LRP2: variants seen among roughly 807,000 people sequenced by gnomAD.
LRP2 encodes the protein LDL receptor related protein 2.
In LRP2, 172 loss-of-function variants were observed where a neutral mutation model predicts 531.0. The ratio of observed to expected loss-of-function variants is 0.32; its 90% confidence interval spans 0.29 to 0.37. The LOEUF is 0.37. Among genes scored for constraint, LRP2 ranks in the 10% least tolerant of loss-of-function variants. LRP2 has a pLI of 1.00. For missense variants in LRP2, 5,167 were observed against 5,868.3 expected, an observed-to-expected ratio of 0.88 and a Z score of 3.90; for synonymous variants, 1,992 against 2,027.6, an observed-to-expected ratio of 0.98 and a Z score of 0.47.
At chr2:169,286,109 TAAAG>T (rs1316331569) in intron 9 of LRP2, among the ~76,000 whole-genome samples, 1 of 152,178 alleles carries the variant, frequency 6.6e-6, no homozygotes, top group East Asian at 1.9e-4. Context: ...GAGTTCTCTA[TAAAG>T]AGAGAAAAAT....
intron 70 of LRP2, 40 bp downstream of exon 70, chr2:169,145,707 C>G: frequency 6.3e-7 from 1 of 1,585,148 alleles, no homozygotes; most frequent in Non-Finnish European, 8.7e-7. Flanking sequence ...ATAAGATTTC[C>G]AAGTAATGAG....
In LRP2 at chr2:169,362,532, C is replaced by G. The variant is rs1311666076; in HGVS notation, c.-133G>C. The G allele has an allele frequency of 1.3e-6, 1 of 780,992 alleles. No individual in the cohort carries two copies. Among genetic ancestry groups the G allele is most frequent in the Non-Finnish European group, 2.1e-6 (1 of 467,134 alleles). The allele number at this position is 780,992 out of a possible 1,614,324, so 48.4% of individuals were successfully genotyped here. On this transcript the variant is annotated 5_prime_UTR_variant, in exon 1 of 79. Transcript: ENST00000649046. ...TCCGCCAGCTCCTAGTGGCCAAAAG[C>G]CTGCCCCCACGCCCGAGGCATCCCG...
chr2:169,355,235 C>G (rs1244425250), intron 1 of LRP2, among the ~76,000 whole-genome samples: 1 of 152,138 alleles, frequency 6.6e-6, no homozygotes, highest in Non-Finnish European at 1.5e-5. Context: ...TGTCTTTTTT[C>G]TTAATGTTTC....
intron 1 of LRP2, among the ~76,000 whole-genome samples, chr2:169,328,325 G>A (rs1260823505): frequency 3.7e-5 from 5 of 136,190 alleles, no homozygotes; most frequent in Admixed American, 7.0e-5. Context: ...CGCCCCGTCC[G>A]GGAGGTGAGG....
chr2:169,235,807 G>A, intron 29 of LRP2, 33 bp downstream of exon 29: 20 of 1,527,008 alleles, frequency 1.3e-5, no homozygotes, highest in Non-Finnish European at 1.7e-5. Context: ...CACGACTGTA[G>A]TTTTAATTTG....
intron 1 of LRP2, among the ~76,000 whole-genome samples, chr2:169,344,724 C>A (rs1685653217): frequency 6.6e-6 from 1 of 152,122 alleles, no homozygotes; most frequent in African/African-American, 2.4e-5. Flanking sequence ...ATAATAAAAG[C>A]TTATCCTAGA....
intron 1 of LRP2, among the ~76,000 whole-genome samples, chr2:169,338,273 GAGAAAGAA>G (rs961399233): frequency 7.6e-6 from 1 of 131,164 alleles, no homozygotes; most frequent in Non-Finnish European, 1.6e-5. Flanking sequence ...AAGAAAGAAA[GAGAAAGAA>G]AGAAAGAAAA....
At chr2:169,275,282 G>T (rs1443141545) in intron 13 of LRP2, 44 bp from the exon 14 acceptor site, 1 of 1,504,846 alleles carries the variant, frequency 6.6e-7, no homozygotes, top group Admixed American at 1.7e-5. Context: ...TGTTAGTTTT[G>T]CTTTATTATA....
chr2:169,353,123 T>G lies in LRP2; in HGVS notation c.79+9198A>C, dbSNP rs539736501. On this transcript the variant is annotated intron_variant, in intron 1 of 78. Coordinates refer to ENST00000649046, the MANE Select transcript of LRP2 (RefSeq NM_004525.3). Reference sequence around the variant, plus strand: ...TTGATTTAAGAATCTCTATACTTTTTTAAGTTCCTCAGGTGATTTTGATGA... The same window carrying G: ...TTGATTTAAGAATCTCTATACTTTTGTAAGTTCCTCAGGTGATTTTGATGA... 1.4e-4 allele frequency among the ~76,000 whole-genome samples: 22 copies of G among 152,346 alleles called. No individual in the cohort carries two copies. In the South Asian group the frequency reaches 3.7e-3, roughly 26 times the overall value.
At chr2:169,286,379 C>T (rs896446906) in intron 9 of LRP2, among the ~76,000 whole-genome samples, 12 of 152,150 alleles carry the variant, frequency 7.9e-5, no homozygotes, top group Middle Eastern at 3.2e-3. Context: ...ATTAGTGCCC[C>T]GGTATTAGAA....
intron 1 of LRP2, among the ~76,000 whole-genome samples, chr2:169,349,310 T>C (rs1685781197): frequency 6.6e-6 from 1 of 152,030 alleles, no homozygotes; most frequent in Non-Finnish European, 1.5e-5. Flanking sequence ...AGGAAGTAAG[T>C]CATGCACCAT....
chr2:169,194,716 CTTTTTTTT>C (rs869249150), intron 46 of LRP2, among the ~76,000 whole-genome samples: 2 of 102,988 alleles, frequency 1.9e-5, no homozygotes, highest in African/African-American at 8.2e-5. Flanking sequence ...TTGATCCAGA[CTTTTTTTT>C]TTTTTTTTTT....
At position 169,318,826 on chromosome 2, in the gene LRP2, G is replaced by A. The variant is rs1684836154; in HGVS notation, c.246C>T (p.Pro82=). 1.2e-6 allele frequency: 2 copies of A among 1,614,108 alleles called. No individual in the cohort carries two copies. Among genetic ancestry groups the A allele is most frequent in the Non-Finnish European group, 1.7e-6 (2 of 1,179,976 alleles). The part of the protein sequence containing the change: ...FKCQSEGQCI[P]NSWVCDQDQD... ...GATCTTGGTCACACACCCAGGAGTTGGGGATGCATTGTCCCTCACTCTGGC... is the reference window on the plus strand; with the variant it reads ...GATCTTGGTCACACACCCAGGAGTTAGGGATGCATTGTCCCTCACTCTGGC... The change falls in exon 3 of 79, where the codon CCC becomes CCT. Residue 82 remains proline, a synonymous_variant. Coordinates refer to ENST00000649046, the MANE Select transcript of LRP2 (RefSeq NM_004525.3).
At chr2:169,322,328 G>A (rs1454350957) in intron 1 of LRP2, among the ~76,000 whole-genome samples, 1 of 152,156 alleles carries the variant, frequency 6.6e-6, no homozygotes, top group Non-Finnish European at 1.5e-5. Context: ...CTGATTGTCT[G>A]GTAGTGACAT....
chr2:169,246,671 T>A, intron 21 of LRP2, 34 bp downstream of exon 21: 2 of 1,612,618 alleles, frequency 1.2e-6, no homozygotes, highest in South Asian at 2.2e-5. Flanking sequence ...ACTCTATTCA[T>A]CCCAGGAAAT....
In LRP2 at chr2:169,207,110, GGTATCT is replaced by G; in HGVS notation, c.6604_6609del (p.Arg2202_Tyr2203del). 1 of 1,612,164 alleles carries G rather than the reference GGTATCT, an allele frequency of 6.2e-7. No individual in the cohort carries two copies. The highest frequency in any genetic ancestry group is 8.5e-7 in the Non-Finnish European group (1 of 1,178,898). On this transcript the variant is annotated inframe_deletion, in exon 39 of 79. Coordinates refer to ENST00000649046, the MANE Select transcript of LRP2 (RefSeq NM_004525.3). Reference sequence around the variant, plus strand: ...CTCTGCCCATAGTCAGCCCAGAAGAGGTATCTGTTCTTGGGATCTACAACAATATGC... The same window carrying G: ...CTCTGCCCATAGTCAGCCCAGAAGAGGTTCTTGGGATCTACAACAATATGC...
At chr2:169,327,784 C>A (rs1435752118) in intron 1 of LRP2, among the ~76,000 whole-genome samples, 10 of 117,248 alleles carry the variant, frequency 8.5e-5, no homozygotes, top group East Asian at 2.9e-4. Flanking sequence ...CCCGGCCAGC[C>A]GCCCCGTCTG....
intron 1 of LRP2, among the ~76,000 whole-genome samples, chr2:169,344,468 T>C (rs778787705): frequency 1.7e-4 from 26 of 152,204 alleles, no homozygotes; most frequent in African/African-American, 6.3e-4. Flanking sequence ...TTTTCAATTA[T>C]AAAGATTCTA....
chr2:169,264,569 C>T (rs1690717147), intron 16 of LRP2, among the ~76,000 whole-genome samples: 1 of 152,018 alleles, frequency 6.6e-6, no homozygotes, highest in Non-Finnish European at 1.5e-5. Context: ...ACTTAAAAGA[C>T]AGTAAAATAA....
Sources: allele counts gnomAD v4.1 joint callset (sites outside exome capture counted in the v4.1 genomes callset), GRCh38; gene constraint gnomAD v4.1.1; transcripts MANE v1.5; gene names NCBI Gene and HGNC (gene_info 2026-07-23, HGNC 2026-07-21).